ADAMTS5: variants seen among roughly 807,000 people sequenced by gnomAD.
ADAMTS5 encodes the protein A disintegrin and metalloproteinase with thrombospondin motifs 5.
In ADAMTS5, 54 loss-of-function variants were observed where a neutral mutation model predicts 81.4. The ratio of observed to expected loss-of-function variants is 0.66; its 90% CI spans 0.53 to 0.83. The LOEUF is 0.83. Among genes scored for constraint, ADAMTS5 ranks in the 40% least tolerant of loss-of-function variants. ADAMTS5 has a pLI of 0.00. For missense variants in ADAMTS5, 1,194 were observed against 1,229.9 expected (o/e 0.97, Z 0.44); for synonymous variants, 532 against 508.8 (o/e 1.05, Z -0.61).
rs776093296 is a variant in ADAMTS5, at chr21:26,954,824, A to G, written c.1152T>C (p.Val384=). The change falls in exon 2 of 8, where the codon GTT becomes GTC. Residue 384 remains valine (V), a synonymous_variant. Transcript: ENST00000284987. ...HSCDTLGMAD[V]GTICSPERSC... ...TGCGCTCTGGAGAACATATGGTCCC[A>G]ACGTCTGCCATTCCCAGGGTGTCAC... is the stretch of plus-strand genomic sequence containing the variant. The G allele has an allele frequency of 5.4e-5, 87 of 1,614,020 alleles. No individual in the cohort carries two copies. The highest frequency in any genetic ancestry group is 7.0e-5 in the Non-Finnish European group (83 of 1,180,014).
chr21:26,964,551 C>T (rs1438372291), intron 1 of ADAMTS5, among the ~76,000 whole-genome samples: 2 of 152,188 alleles, frequency 1.3e-5, no homozygotes, highest in Non-Finnish European at 2.9e-5. Context: ...CCTCCCTAGG[C>T]GGCGGAGTTG....
chr21:26,929,807 A>G (rs930498240), intron 7 of ADAMTS5, 79 bp downstream of exon 7: 1 of 1,436,460 alleles, frequency 7.0e-7, no homozygotes, highest in Admixed American at 1.9e-5. Flanking sequence ...ATGATGTAAT[A>G]TGAATCCTCC....
chr21:26,924,108 C>T lies in ADAMTS5; in HGVS notation c.2738G>A (p.Cys913Tyr), dbSNP rs1475973331. ...QDGNRKLAKG[C>Y]PLSQRPSAFK... Reference sequence around the variant, plus strand: ...CGCAGAAGGCCTTTGGGAGAGAGGACATCCTTTTGCTAACTTCCGGTTTCC... The same window carrying T: ...CGCAGAAGGCCTTTGGGAGAGAGGATATCCTTTTGCTAACTTCCGGTTTCC... Residue 913 changes from cysteine (C) to tyrosine (Y), a missense_variant, in exon 8 of 8, where the codon TGT (cysteine) becomes TAT (tyrosine). Around this residue, in one of 2 missense-constraint regions of ADAMTS5, gnomAD observed 696 missense variants for 817.6 expected, o/e 0.85. Coordinates refer to ENST00000284987, the MANE Select transcript of ADAMTS5 (RefSeq NM_007038.5). 1 of 1,611,998 alleles carries T rather than the reference C, an allele frequency of 6.2e-7. No individual in the cohort carries two copies. The highest frequency in any genetic ancestry group is 1.3e-5 in the African/African-American group (1 of 75,026).
chr21:26,934,710 C>T lies in ADAMTS5; in HGVS notation c.1445G>A (p.Gly482Asp), dbSNP rs1986980855. 1 of 1,614,170 alleles carries T rather than the reference C, an allele frequency of 6.2e-7. No homozygotes were observed. The highest frequency in any genetic ancestry group is 8.5e-7 in the Non-Finnish European group (1 of 1,180,030). ...GGTCTGTCCTGGGAGTTCTTCGGGG[C>T]CCAGGATCTGCTTTCGTGGTAGGTC... Reference protein sequence around the residue: ...LLDLPRKQILGPEELPGQTYD... With the variant: ...LLDLPRKQILDPEELPGQTYD... Residue 482 changes from glycine (G) to aspartate (D), a missense_variant, in exon 4 of 8, where the codon GGC becomes GAC. Gly to Asp is a moderately conservative substitution (Grantham distance 94). Coordinates refer to ENST00000284987, the MANE Select transcript of ADAMTS5 (RefSeq NM_007038.5).
intron 1 of ADAMTS5, among the ~76,000 whole-genome samples, chr21:26,955,417 A>G (rs927692506): frequency 6.6e-6 from 1 of 152,198 alleles, no homozygotes; most frequent in Non-Finnish European, 1.5e-5. Context: ...TGTCTTCTGA[A>G]ATCTGTACCT....
In ADAMTS5 at chr21:26,920,298, T is replaced by A. The variant is rs1413523858; in HGVS notation, c.*3755A>T. ...TTGTTGCCAGGATCAGACTGTGAAA[T>A]CACAGAGGCAAGCTGATGTCATCAG... On this transcript the variant is annotated 3_prime_UTR_variant, in exon 8 of 8. Transcript: ENST00000284987. 1 of 152,060 alleles carries A rather than the reference T, an allele frequency of 6.6e-6. No individual in the cohort carries two copies. The highest frequency in any genetic ancestry group is 6.6e-5 in the Admixed American group (1 of 15,256). 9.4% of individuals were successfully genotyped at this position (152,060 alleles called of 1,614,324 possible). A position where few individuals can be genotyped will look rare whatever the true frequency, so the allele number is the denominator to read the frequency against.
chr21:26,924,117 G>A lies in ADAMTS5; in HGVS notation c.2729C>T (p.Ala910Val). ...CCTTTGGGAGAGAGGACATCCTTTT[G>A]CTAACTTCCGGTTTCCATCCTGGCA... ...VQCQDGNRKL[A>V]KGCPLSQRPS... The change falls in exon 8 of 8, where the codon GCA (alanine) becomes GTA (valine). Residue 910 changes from alanine (A) to valine (V), a missense_variant. Ala to Val is a moderately conservative substitution (Grantham distance 64). This residue lies in a region of ADAMTS5 where 696 missense variants were observed against 817.6 expected (regional missense o/e 0.85). Coordinates refer to ENST00000284987, the MANE Select transcript of ADAMTS5 (RefSeq NM_007038.5). The A allele has an allele frequency of 1.9e-6, 3 of 1,612,434 alleles. No homozygotes were observed. Among genetic ancestry groups the A allele is most frequent in the South Asian group, 1.1e-5 (1 of 91,070 alleles).
chr21:26,958,699 T>TG (rs1483693125), intron 1 of ADAMTS5, among the ~76,000 whole-genome samples: 1 of 152,192 alleles, frequency 6.6e-6, no homozygotes, highest in Non-Finnish European at 1.5e-5. Flanking sequence ...GCTGACACTG[T>TG]GGTAAATAGA....
rs955668523 is a variant in ADAMTS5 at position 26,934,656 on chromosome 21, G to A, written c.1499C>T (p.Thr500Ile). The stretch of plus-strand genomic sequence containing the variant: ...ACACACGGAGTACTCAGGCCCGAAT[G>A]TCAGGTTGCACTGCTGGGTGGCATC... ...TYDATQQCNL[T>I]FGPEYSVCPG... The change falls in exon 4 of 8, where the codon ACA becomes ATA. Residue 500 changes from threonine to isoleucine, a missense_variant. This residue lies in a region of ADAMTS5 where 696 missense variants were observed against 817.6 expected (regional missense o/e 0.85). Coordinates refer to ENST00000284987, the MANE Select transcript of ADAMTS5 (RefSeq NM_007038.5). 3.7e-6 allele frequency: 6 copies of A among 1,614,202 alleles called. No homozygotes were observed. Among genetic ancestry groups the A allele is most frequent in the Non-Finnish European group, 5.1e-6 (6 of 1,180,038 alleles).
intron 7 of ADAMTS5, among the ~76,000 whole-genome samples, chr21:26,929,524 T>A (rs1433968870): frequency 2.6e-5 from 4 of 152,188 alleles, no homozygotes; most frequent in Non-Finnish European, 5.9e-5. Context: ...AAAATATAGT[T>A]AAGATCAAAA....
chr21:26,943,824 C>T (rs1321202427), intron 2 of ADAMTS5, among the ~76,000 whole-genome samples: 1 of 152,154 alleles, frequency 6.6e-6, no homozygotes, highest in Non-Finnish European at 1.5e-5. Context: ...CATGTGGAAA[C>T]AAAGCCTTAT....
chr21:26,945,025 T>A lies in ADAMTS5; in HGVS notation c.1238-1478A>T, dbSNP rs561998636. On this transcript the variant is annotated intron_variant, in intron 2 of 7. Coordinates refer to ENST00000284987, the MANE Select transcript of ADAMTS5 (RefSeq NM_007038.5). ...ACCACTTAACATTTTGTTTGGTCAG[T>A]AGCATAAGTGTGCATTATAGTCTAT... Among the ~76,000 whole-genome samples, 118 of 152,272 alleles carry A rather than the reference T, an allele frequency of 7.7e-4. 1 individual carries two copies. Among genetic ancestry groups the A allele is most frequent in the Non-Finnish European group, 1.0e-3 (68 of 68,022 alleles).
chr21:26,942,845 T>C (rs536135287), intron 3 of ADAMTS5, among the ~76,000 whole-genome samples: 1 of 152,298 alleles, frequency 6.6e-6, no homozygotes, highest in South Asian at 2.1e-4. Flanking sequence ...TTATGCAGTT[T>C]TTACTCTACT....
rs1987690650 is a variant in ADAMTS5, at chr21:26,966,677, G to T, written c.-286C>A. Among the ~76,000 whole-genome samples, 1 of 150,068 alleles carries T rather than the reference G, an allele frequency of 6.7e-6. No homozygotes were observed. Among genetic ancestry groups the T allele is most frequent in the Non-Finnish European group, 1.5e-5 (1 of 67,612 alleles). Reference sequence around the variant, plus strand: ...AAGATTAAAAAAAAAAAGTCGGATAGTGGAGATTCAGCAAATACGGGAAAA... The same window carrying T: ...AAGATTAAAAAAAAAAAGTCGGATATTGGAGATTCAGCAAATACGGGAAAA... On this transcript the variant is annotated 5_prime_UTR_variant, in exon 1 of 8. Transcript: ENST00000284987.
rs1419067659 is a variant in ADAMTS5, at chr21:26,965,701, G to A, written c.691C>T (p.Arg231Cys). 20 of 1,581,292 alleles carry A rather than the reference G, an allele frequency of 1.3e-5. No homozygotes were observed. Among genetic ancestry groups the A allele is most frequent in the Non-Finnish European group, 1.5e-5 (18 of 1,165,860 alleles). ...HAPAHSNPSG[R>C]AALASQLLDQ... ...AAGAGCTGCGAGGCCAGTGCTGCGC[G>A]TCCGCTCGGGTTGCTGTGCGCCGGA... The change falls in exon 1 of 8, where the codon CGC (arginine) becomes TGC (cysteine). Residue 231 changes from arginine (R) to cysteine (C), a missense_variant. Physicochemically the swap from Arg to Cys is radical, Grantham distance 180 (BLOSUM62 -3). Around this residue, in one of 2 missense-constraint regions of ADAMTS5, gnomAD observed 498 missense variants for 412.3 expected, o/e 1.21. Transcript: ENST00000284987.
At chr21:26,941,128 T>A (rs781088859) in intron 3 of ADAMTS5, among the ~76,000 whole-genome samples, 2 of 152,124 alleles carry the variant, frequency 1.3e-5, no homozygotes, top group Non-Finnish European at 2.9e-5. Context: ...TAAAATAGGA[T>A]TATTTTTATT....
chr21:26,959,907 A>G (rs72635025), intron 1 of ADAMTS5, among the ~76,000 whole-genome samples: 7,484 of 152,194 alleles, frequency 0.049, 420 homozygotes, highest in East Asian at 0.25. Context: ...TGCTCAAGTC[A>G]GTCACCTTCT....
chr21:26,955,596 T>C (rs1293559609), intron 1 of ADAMTS5, among the ~76,000 whole-genome samples: 1 of 152,170 alleles, frequency 6.6e-6, no homozygotes, highest in Non-Finnish European at 1.5e-5. Context: ...AGGAACATGA[T>C]TCCACCCCAA....
At chr21:26,938,846 T>G (rs1471325253) in intron 3 of ADAMTS5, among the ~76,000 whole-genome samples, 1 of 152,220 alleles carries the variant, frequency 6.6e-6, no homozygotes, top group Non-Finnish European at 1.5e-5. Context: ...GTTGTTGTTC[T>G]TTATTGTTTT....
Sources: allele counts gnomAD v4.1 joint callset (sites outside exome capture counted in the v4.1 genomes callset), GRCh38; gene constraint gnomAD v4.1.1; regional missense constraint gnomAD v4.1.1; transcripts MANE v1.5; gene names NCBI Gene and HGNC (gene_info 2026-07-23, HGNC 2026-07-21).